LRRK2: variants seen among roughly 807,000 people sequenced by gnomAD.
LRRK2 encodes the protein leucine-rich repeat serine/threonine-protein kinase 2.
LRRK2 carries 203 observed loss-of-function variants against 302.6 expected under a neutral mutation model. That is an observed-to-expected ratio of 0.67 (90% CI 0.60 to 0.75). The LOEUF is 0.75. LRRK2 is among the 30% of genes least tolerant of loss of function. LRRK2 has a pLI of 0.00. For synonymous variants in LRRK2, 1,066 were observed against 1,031.9 expected (o/e 1.03, Z -0.63); for missense variants, 2,830 against 2,951.0 (o/e 0.96, Z 0.95).
chr12:40,263,765 T>G (rs1942883349), intron 13 of LRRK2, 24 bp from the exon 14 acceptor site: 1 of 1,511,106 alleles, frequency 6.6e-7, no homozygotes, highest in Admixed American at 1.7e-5. Flanking sequence ...AATTCTTTCT[T>G]TATTTATTTA....
intron 39 of LRRK2, among the ~76,000 whole-genome samples, chr12:40,332,752 G>A (rs1392902637): frequency 6.6e-6 from 1 of 151,986 alleles, no homozygotes. Flanking sequence ...CTCTTTTAAT[G>A]TGTAGGTAAT....
intron 18 of LRRK2, among the ~76,000 whole-genome samples, chr12:40,278,674 G>T (rs1488076634): frequency 6.6e-6 from 1 of 152,122 alleles, no homozygotes; most frequent in Non-Finnish European, 1.5e-5. Context: ...GGCTATGCAG[G>T]CTGTGGATGG....
At chr12:40,353,819 C>CA (rs542001206) in intron 44 of LRRK2, among the ~76,000 whole-genome samples, 159 of 152,320 alleles carry the variant, frequency 1.0e-3, no homozygotes, top group Non-Finnish European at 1.9e-3. Context: ...CCGTCTCCAC[C>CA]AAAAAAATAT....
intron 50 of LRRK2, 126 bp downstream of exon 50, chr12:40,367,203 TTATAG>T: frequency 1.2e-6 from 1 of 838,512 alleles, no homozygotes; most frequent in Non-Finnish European, 1.9e-6. Flanking sequence ...AATTGGTAGT[TTATAG>T]TGTAAAGAAC....
intron 49 of LRRK2, 77 bp from the exon 50 acceptor site, chr12:40,366,928 TG>T: frequency 9.5e-7 from 1 of 1,052,476 alleles, no homozygotes; most frequent in Non-Finnish European, 1.5e-6. Context: ...TCTTAAACTA[TG>T]AACAACTTTA....
Position 40,352,668 on chromosome 12 carries a change from C to G in LRRK2, c.6576+935C>G, listed in dbSNP as rs376720916. On this transcript the variant is annotated intron_variant, in intron 44 of 50. Transcript: ENST00000298910. ...ATTAGGGAGTAGTGATGACTCTTAA[C>G]GAGCATGCTGCCTTCAAGCATCTGT... Among the ~76,000 whole-genome samples the G allele has an allele frequency of 1.8e-3, 268 of 148,520 alleles. 1 individual carries two copies. Among genetic ancestry groups the G allele is most frequent in the African/African-American group, 5.8e-3 (236 of 40,358 alleles).
At chr12:40,289,009 C>T (rs990450035) in intron 20 of LRRK2, among the ~76,000 whole-genome samples, 1 of 151,716 alleles carries the variant, frequency 6.6e-6, no homozygotes, top group Non-Finnish European at 1.5e-5. Flanking sequence ...AATATTTTCT[C>T]CCATATTTTC....
At chr12:40,257,520 G>T (rs1565686294) in intron 12 of LRRK2, 143 bp downstream of exon 12, 1 of 890,070 alleles carries the variant, frequency 1.1e-6, no homozygotes, top group East Asian at 2.6e-5. Flanking sequence ...ATGTAATCTC[G>T]TGTCACTAGT....
intron 30 of LRRK2, among the ~76,000 whole-genome samples, chr12:40,310,125 G>T (rs979578804): frequency 1.3e-5 from 2 of 151,962 alleles, no homozygotes; most frequent in Non-Finnish European, 2.9e-5. Context: ...TTTTATTTAG[G>T]AGTGAATAAC....
intron 2 of LRRK2, among the ~76,000 whole-genome samples, chr12:40,231,576 C>CAAAAAAAAAAAAAAAAAAAAAAAAA (rs71078231): frequency 9.4e-6 from 1 of 105,882 alleles, no homozygotes; most frequent in African/African-American, 3.9e-5. Flanking sequence ...AAAACAAAAC[C>CAAAAAAAAAAAAAAAAAAAAAAAAA]AAAAAAAAAA....
At chr12:40,299,073 A>G (rs1393585675) in intron 24 of LRRK2, 36 bp from the exon 25 acceptor site, 1 of 1,605,472 alleles carries the variant, frequency 6.2e-7, no homozygotes, top group Non-Finnish European at 8.5e-7. Flanking sequence ...ATATGAATTT[A>G]TGCAATTTAA....
chr12:40,295,029 C>G (rs1337099100), intron 22 of LRRK2, 115 bp downstream of exon 22: 4 of 675,236 alleles, frequency 5.9e-6, no homozygotes, highest in Non-Finnish European at 1.1e-5. Context: ...CTTACATAAT[C>G]TTCATATATA....
chr12:40,267,632 C>T (rs1467017590), intron 14 of LRRK2, among the ~76,000 whole-genome samples: 2 of 152,090 alleles, frequency 1.3e-5, no homozygotes, highest in Non-Finnish European at 2.9e-5. Flanking sequence ...ACTGCTTTTC[C>T]CCCATGCCAG....
chr12:40,353,792 G>C (rs1199016825), intron 44 of LRRK2, among the ~76,000 whole-genome samples: 1 of 152,256 alleles, frequency 6.6e-6, no homozygotes, highest in Non-Finnish European at 1.5e-5. Flanking sequence ...GACCAGCCCG[G>C]CCAACACAGC....
chr12:40,300,981 C>T, intron 25 of LRRK2: 5 of 469,994 alleles, frequency 1.1e-5, no homozygotes, highest in South Asian at 7.7e-5. Flanking sequence ...TCACAATGAT[C>T]CTAATGGTCA....
At chr12:40,232,552 C>CCTG in intron 3 of LRRK2, 169 bp downstream of exon 3, 1 of 581,726 alleles carries the variant, frequency 1.7e-6, no homozygotes, top group Non-Finnish European at 3.1e-6. Flanking sequence ...GAGCTTTAAA[C>CCTG]TCAGAAGTTT....
chr12:40,351,727 T>C lies in LRRK2; in HGVS notation c.6570T>C (p.Thr2190=). The change falls in exon 44 of 51, where the codon ACT becomes ACC. Residue 2190 remains threonine, a synonymous_variant. Transcript: ENST00000298910. The stretch of plus-strand genomic sequence containing the variant: ...TTGACTTAAATACTGAAGGATACAC[T>C]TCTGAGGTAAATCCAAATGCTCTTT... ...SFLDLNTEGY[T]SEEVADSRIL... 6.2e-7 allele frequency: 1 copy of C among 1,614,052 alleles called. No homozygotes were observed.
At chr12:40,242,782 A>C (rs1051851896) in intron 6 of LRRK2, among the ~76,000 whole-genome samples, 5 of 126,876 alleles carry the variant, frequency 3.9e-5, no homozygotes, top group African/African-American at 1.5e-4. Context: ...AACAGTGTAA[A>C]AGTGTTCCTA....
chr12:40,258,894 A>T (rs1329384325), intron 12 of LRRK2, among the ~76,000 whole-genome samples: 2 of 152,226 alleles, frequency 1.3e-5, no homozygotes, highest in Non-Finnish European at 2.9e-5. Flanking sequence ...ACTGTATTAA[A>T]GTTCATAGTA....
Sources: gnomAD v4.1 joint callset for allele counts (sites outside exome capture counted in the v4.1 genomes callset) on GRCh38, gnomAD v4.1.1 for gene constraint, MANE v1.5 for transcripts, NCBI Gene and HGNC (gene_info 2026-07-23, HGNC 2026-07-21) for gene names.